Variants in TRIM44 observed in about 807,000 individuals in gnomAD.
TRIM44 encodes tripartite motif containing 44, also known as tripartite motif-containing protein 44.
TRIM44 carries 13 observed loss-of-function variants against 37.4 expected under a neutral mutation model. The observed-to-expected ratio is 0.35, with a 90% confidence interval of 0.23 to 0.55. The LOEUF is 0.55. Among genes scored for constraint, TRIM44 ranks in the 20% least tolerant of loss-of-function variants. TRIM44 has a pLI of 0.89. For missense variants in TRIM44, 426 were observed against 437.2 expected (o/e 0.97, Z 0.23); for synonymous variants, 175 against 157.2 (o/e 1.11, Z -0.85).
At chr11:35,746,248 T>C (rs1852489153) in intron 4 of TRIM44, among the ~76,000 whole-genome samples, 1 of 152,132 alleles carries the variant, frequency 6.6e-6, no homozygotes, top group Non-Finnish European at 1.5e-5. Flanking sequence ...TCAGTCTATG[T>C]TTTAAGAATA....
At chr11:35,671,145 T>TGA (rs1226280447) in intron 1 of TRIM44, among the ~76,000 whole-genome samples, 1 of 152,224 alleles carries the variant, frequency 6.6e-6, no homozygotes, top group Non-Finnish European at 1.5e-5. Context: ...GTGAACAAAA[T>TGA]GAAAGTCTGT....
intron 2 of TRIM44, among the ~76,000 whole-genome samples, chr11:35,706,707 C>G (rs1030185084): frequency 1.3e-5 from 2 of 151,856 alleles, no homozygotes; most frequent in African/African-American, 4.8e-5. Flanking sequence ...TGACAAAATT[C>G]AACAACCCTT....
intron 1 of TRIM44, among the ~76,000 whole-genome samples, chr11:35,665,270 G>C (rs1000256691): frequency 3.3e-5 from 5 of 152,174 alleles, no homozygotes; most frequent in East Asian, 3.9e-4. Context: ...TGCTGTGTCA[G>C]AGGCTATGCA....
chr11:35,703,131 A>G (rs1851818629), intron 2 of TRIM44, among the ~76,000 whole-genome samples: 1 of 152,336 alleles, frequency 6.6e-6, no homozygotes, highest in Middle Eastern at 3.4e-3. Flanking sequence ...GGAGGGTCCT[A>G]TGCCCACAGA....
At chr11:35,748,556 C>T (rs1188992008) in intron 4 of TRIM44, among the ~76,000 whole-genome samples, 1 of 152,182 alleles carries the variant, frequency 6.6e-6, no homozygotes, top group African/African-American at 2.4e-5. Flanking sequence ...TGTACTGAAT[C>T]TTATCCTATT....
chr11:35,668,415 G>A (rs564250138), intron 1 of TRIM44, among the ~76,000 whole-genome samples: 2 of 152,282 alleles, frequency 1.3e-5, no homozygotes, highest in African/African-American at 4.8e-5. Context: ...CCCACAATGT[G>A]TTCATATGTT....
At chr11:35,680,075 T>C (rs556645516) in intron 1 of TRIM44, among the ~76,000 whole-genome samples, 1 of 152,316 alleles carries the variant, frequency 6.6e-6, no homozygotes, top group Non-Finnish European at 1.5e-5. Context: ...AATCCATACA[T>C]GAATATCAAG....
intron 4 of TRIM44, among the ~76,000 whole-genome samples, chr11:35,781,280 A>G (rs191803975): frequency 6.6e-6 from 1 of 152,264 alleles, no homozygotes; most frequent in East Asian, 1.9e-4. Context: ...ACAGTGAAGC[A>G]TGTTTCTGAT....
chr11:35,737,573 C>T (rs1049180053), intron 4 of TRIM44, among the ~76,000 whole-genome samples: 6 of 152,064 alleles, frequency 3.9e-5, no homozygotes, highest in Non-Finnish European at 7.4e-5. Flanking sequence ...CAGTGGCTCA[C>T]GCCTGTAATC....
chr11:35,717,398 T>A (rs1852050835), intron 2 of TRIM44, among the ~76,000 whole-genome samples: 1 of 152,110 alleles, frequency 6.6e-6, no homozygotes, highest in South Asian at 2.1e-4. Flanking sequence ...TACTTTTTTT[T>A]TAAAGTCTGG....
At chr11:35,803,261 CTTAGT>C (rs1191111586) in intron 4 of TRIM44, among the ~76,000 whole-genome samples, 1 of 145,446 alleles carries the variant, frequency 6.9e-6, no homozygotes. Flanking sequence ...GCCTAACACC[CTTAGT>C]TTATTTAAAA....
chr11:35,795,886 G>T (rs1317749743), intron 4 of TRIM44, among the ~76,000 whole-genome samples: 1 of 152,184 alleles, frequency 6.6e-6, no homozygotes, highest in Non-Finnish European at 1.5e-5. Context: ...AGCACTTATT[G>T]TGTGATAGGT....
chr11:35,750,515 A>G (rs1344015885), intron 4 of TRIM44, among the ~76,000 whole-genome samples: 1 of 152,200 alleles, frequency 6.6e-6, no homozygotes. Flanking sequence ...TCATGATGCA[A>G]TAAAGACTTT....
At position 35,774,586 on chromosome 11, in the gene TRIM44, GT is replaced by G. The variant is rs534394265; in HGVS notation, c.1008-31766del. 2.0e-3 allele frequency among the ~76,000 whole-genome samples: 305 copies of G among 152,266 alleles called. 1 individual carries two copies. Among genetic ancestry groups the G allele is most frequent in the African/African-American group, 7.1e-3 (295 of 41,548 alleles). ...GGTATTACCTAGGTTTTCTTCTAGG[GT>G]TTTTTGGTTTTAGGTCTAACATGTA... On this transcript the variant is annotated intron_variant, in intron 4 of 4. Transcript: ENST00000299413.
At chr11:35,789,089 G>A (rs995081294) in intron 4 of TRIM44, among the ~76,000 whole-genome samples, 36 of 152,226 alleles carry the variant, frequency 2.4e-4, no homozygotes, top group African/African-American at 8.7e-4. Flanking sequence ...TCCCCAAAGT[G>A]GTTGACTGAA....
chr11:35,675,234 A>T (rs1458565366), intron 1 of TRIM44, among the ~76,000 whole-genome samples: 2 of 152,240 alleles, frequency 1.3e-5, no homozygotes, highest in African/African-American at 4.8e-5. Flanking sequence ...TTAATGAAGA[A>T]CTGAGAGAGT....
intron 4 of TRIM44, among the ~76,000 whole-genome samples, chr11:35,754,346 G>A (rs1250998249): frequency 1.3e-5 from 2 of 152,146 alleles, no homozygotes; most frequent in African/African-American, 4.8e-5. Flanking sequence ...GATAGCCAGT[G>A]TCCATGCTGC....
At chr11:35,725,180 T>C (rs1283840638) in intron 2 of TRIM44, among the ~76,000 whole-genome samples, 1 of 151,898 alleles carries the variant, frequency 6.6e-6, no homozygotes, top group East Asian at 1.9e-4. Flanking sequence ...ATATCTTAAG[T>C]AGAAAAGTAA....
At chr11:35,700,302 A>G (rs1166503722) in intron 2 of TRIM44, among the ~76,000 whole-genome samples, 1 of 152,190 alleles carries the variant, frequency 6.6e-6, no homozygotes, top group Non-Finnish European at 1.5e-5. Context: ...TCACACACAG[A>G]ATTTTTTTTT....
Sources: gnomAD v4.1 joint callset for allele counts (sites outside exome capture counted in the v4.1 genomes callset) on GRCh38, gnomAD v4.1.1 for gene constraint, MANE v1.5 for transcripts, NCBI Gene and HGNC (gene_info 2026-07-23, HGNC 2026-07-21) for gene names.